The following LONRF1 variants were observed in gnomAD, a reference collection of about 807,000 sequenced individuals.
LONRF1 encodes LON peptidase N-terminal domain and RING finger protein 1.
Under a neutral mutation model 85.8 loss-of-function variants are expected in LONRF1, and 37 were observed. The ratio of observed to expected loss-of-function variants is 0.43; its 90% CI spans 0.33 to 0.57. LONRF1 has a LOEUF of 0.57. Ranked by LOEUF, LONRF1 falls within the 20% of genes least tolerant of loss-of-function variation. The pLI, the probability that LONRF1 is intolerant of heterozygous loss-of-function variation, is 0.04. For missense variants in LONRF1, 1,036 were observed against 978.0 expected, an observed-to-expected ratio of 1.06 and a Z score of -0.79; for synonymous variants, 517 against 390.1, an observed-to-expected ratio of 1.33 and a Z score of -3.83.
chr8:12,734,088 A>G (rs1295532448), intron 7 of LONRF1, among the ~76,000 whole-genome samples: 1 of 152,196 alleles, frequency 6.6e-6, no homozygotes, highest in Admixed American at 6.5e-5. Context: ...AACAAGCATC[A>G]TAGTTATCCT....
intron 1 of LONRF1, among the ~76,000 whole-genome samples, chr8:12,747,163 T>C (rs1057438745): frequency 6.6e-6 from 1 of 152,200 alleles, no homozygotes; most frequent in Non-Finnish European, 1.5e-5. Context: ...CCAGTATTAT[T>C]TGTAAGTCAT....
rs1347971372 is a variant in LONRF1 at position 12,728,868 on chromosome 8, G to A, written c.2010+33C>T. ...TACCAATCCCTGGAACAGGATATACGAAAGTATGCTGGCAAAGCACATTTT... is the reference window on the plus strand; with the variant it reads ...TACCAATCCCTGGAACAGGATATACAAAAGTATGCTGGCAAAGCACATTTT... On this transcript the variant is annotated intron_variant, in intron 10 of 11. Transcript: ENST00000398246. 25 of 1,612,246 alleles carry A rather than the reference G, an allele frequency of 1.6e-5. No individual in the cohort carries two copies. The East Asian group carries it at 2.7e-4, about 17-fold the overall frequency.
chr8:12,741,039 G>C lies in LONRF1; in HGVS notation c.841-43C>G, dbSNP rs1798914301. 4 of 1,595,886 alleles carry C rather than the reference G, an allele frequency of 2.5e-6. No homozygotes were observed. The South Asian group carries it at 4.5e-5, about 18-fold the overall frequency. Reference sequence around the variant, plus strand: ...ATATAAAACCTTTGTGTTAAGAATTGCTTTTTAAAAAATCATTATCAAGTA... The same window carrying C: ...ATATAAAACCTTTGTGTTAAGAATTCCTTTTTAAAAAATCATTATCAAGTA... On this transcript the variant is annotated intron_variant, in intron 2 of 11. Coordinates refer to ENST00000398246, the MANE Select transcript of LONRF1 (RefSeq NM_152271.5).
chr8:12,725,694 G>A, intron 11 of LONRF1, 33 bp downstream of exon 11: 1 of 1,586,380 alleles, frequency 6.3e-7, no homozygotes, highest in Non-Finnish European at 8.6e-7. Flanking sequence ...TTATAAAAAA[G>A]TGACTTTTGG....
At chr8:12,740,697 C>T (rs1458095754) in intron 3 of LONRF1, among the ~76,000 whole-genome samples, 177 bp downstream of exon 3, 2 of 152,176 alleles carry the variant, frequency 1.3e-5, no homozygotes, top group African/African-American at 4.8e-5. Flanking sequence ...TTCGATTTCA[C>T]TAAGAACTCA....
intron 2 of LONRF1, among the ~76,000 whole-genome samples, chr8:12,742,786 A>G (rs1219637420): frequency 6.6e-6 from 1 of 152,078 alleles, no homozygotes; most frequent in Non-Finnish European, 1.5e-5. Context: ...GCTGGAATGC[A>G]GTGGCACTTC....
intron 7 of LONRF1, among the ~76,000 whole-genome samples, chr8:12,732,502 C>A (rs934180062): frequency 5.9e-5 from 9 of 152,208 alleles, no homozygotes; most frequent in African/African-American, 1.9e-4. Flanking sequence ...CTTACATTTG[C>A]GCTGACCCCT....
In LONRF1 at chr8:12,737,165, T is replaced by TAA. The variant is rs753505827; in HGVS notation, c.1114-27_1114-26dup. 18 of 1,604,870 alleles carry TAA rather than the reference T, an allele frequency of 1.1e-5. No individual in the cohort carries two copies. The African/African-American group carries it at 2.3e-4, about 20-fold the overall frequency. On this transcript the variant is annotated intron_variant, in intron 4 of 11. Coordinates refer to ENST00000398246, the MANE Select transcript of LONRF1 (RefSeq NM_152271.5). ...TCTACAAAAATACAATAAACAAAGGTAACTGTATTTCTTTACTATCCTTTA... is the reference window on the plus strand; with the variant it reads ...TCTACAAAAATACAATAAACAAAGGTAAAACTGTATTTCTTTACTATCCTTTA...
At chr8:12,747,233 G>A (rs564115408) in intron 1 of LONRF1, among the ~76,000 whole-genome samples, 12 of 152,142 alleles carry the variant, frequency 7.9e-5, no homozygotes, top group African/African-American at 2.4e-4. Context: ...TCTAGTCTTC[G>A]GCTGTCCAAA....
intron 2 of LONRF1, among the ~76,000 whole-genome samples, chr8:12,742,771 C>A (rs969258207): frequency 6.6e-5 from 10 of 151,692 alleles, no homozygotes; most frequent in African/African-American, 2.2e-4. Context: ...GGGTCTGACA[C>A]CAAGGCTGGA....
rs1162118421 is a variant in LONRF1 at position 12,754,664 on chromosome 8, G to A, written c.721+36C>T. 4.6e-6 allele frequency: 6 copies of A among 1,299,510 alleles called. No individual in the cohort carries two copies. The African/African-American group carries it at 7.8e-5, about 17-fold the overall frequency. 80.5% of individuals were successfully genotyped at this position (1,299,510 alleles called of 1,614,324 possible). A position where few individuals can be genotyped will look rare whatever the true frequency, so the allele number is the denominator to read the frequency against. ...CCGGCCCTCGGGGCCAGGAGGGTGC[G>A]GTCGGCCCGGCCCCGCCGCATCCCC... On this transcript the variant is annotated intron_variant, in intron 1 of 11. Coordinates refer to ENST00000398246, the MANE Select transcript of LONRF1 (RefSeq NM_152271.5).
intron 3 of LONRF1, among the ~76,000 whole-genome samples, chr8:12,739,137 C>T (rs1259764619): frequency 6.6e-6 from 1 of 151,806 alleles, no homozygotes; most frequent in Non-Finnish European, 1.5e-5. Context: ...AAGTTTTTGC[C>T]AAAGGGATGT....
intron 1 of LONRF1, among the ~76,000 whole-genome samples, chr8:12,745,936 T>C (rs1385907823): frequency 6.6e-6 from 1 of 152,220 alleles, no homozygotes; most frequent in Non-Finnish European, 1.5e-5. Context: ...TCTTTAGTCC[T>C]GATTTTTCAC....
chr8:12,734,285 G>A (rs1798636981), intron 7 of LONRF1, among the ~76,000 whole-genome samples: 1 of 152,092 alleles, frequency 6.6e-6, no homozygotes, highest in Non-Finnish European at 1.5e-5. Context: ...ATATATGTAA[G>A]ACACATATCA....
chr8:12,736,691 A>T lies in LONRF1; in HGVS notation c.1451+10T>A, dbSNP rs1798727475. On this transcript the variant is annotated intron_variant, in intron 6 of 11. Coordinates refer to ENST00000398246, the MANE Select transcript of LONRF1 (RefSeq NM_152271.5). ...AAATATTCATCTTCTATAAAGTTTT[A>T]TATGCTTACCTCATGCAGAGAGAAC... The T allele has an allele frequency of 6.4e-7, 1 of 1,568,412 alleles. No homozygotes were observed. The highest frequency in any genetic ancestry group is 1.4e-5 in the African/African-American group (1 of 73,136).
intron 8 of LONRF1, among the ~76,000 whole-genome samples, chr8:12,730,414 G>GT (rs1408958793): frequency 1.3e-5 from 2 of 151,952 alleles, no homozygotes; most frequent in Non-Finnish European, 2.9e-5. Context: ...GTATTTTTGA[G>GT]TTTTTTTCAA....
chr8:12,739,438 T>C (rs1798845271), intron 3 of LONRF1, among the ~76,000 whole-genome samples: 1 of 151,556 alleles, frequency 6.6e-6, no homozygotes, highest in Non-Finnish European at 1.5e-5. Context: ...TACTCTACAG[T>C]GACAAAAATC....
At chr8:12,745,312 A>AT (rs1799102579) in intron 1 of LONRF1, among the ~76,000 whole-genome samples, 1 of 107,572 alleles carries the variant, frequency 9.3e-6, no homozygotes. Flanking sequence ...TTGAATGATT[A>AT]TTTTTTTGGA....
rs2117203799 is a variant in LONRF1 at position 12,722,344 on chromosome 8, A to G, written c.*752T>C. The G allele has an allele frequency of 6.5e-6, 1 of 152,780 alleles. No individual in the cohort carries two copies. Among genetic ancestry groups the G allele is most frequent in the South Asian group, 2.1e-4 (1 of 4,830 alleles). The allele number at this position is 152,780 out of a possible 1,614,324, so 9.5% of individuals were successfully genotyped here. ...AGTTCTCCCTTTACCTTTATGTACA[A>G]TTAAATGTAAACCATATTTTCACAG... On this transcript the variant is annotated 3_prime_UTR_variant, in exon 12 of 12. Transcript: ENST00000398246.
Sources: gnomAD v4.1 joint callset for allele counts (sites outside exome capture counted in the v4.1 genomes callset) on GRCh38, gnomAD v4.1.1 for gene constraint, MANE v1.5 for transcripts, NCBI Gene and HGNC (gene_info 2026-07-23, HGNC 2026-07-21) for gene names.